SMCHD1: variants seen among roughly 807,000 people sequenced by gnomAD.
SMCHD1 encodes the protein structural maintenance of chromosomes flexible hinge domain containing 1.
A neutral mutation model predicts 254.7 loss-of-function variants in SMCHD1; 78 were observed. The observed-to-expected ratio is 0.31, with a 90% CI of 0.26 to 0.37. SMCHD1 has a LOEUF of 0.37. Among genes scored for constraint, SMCHD1 ranks in the 10% least tolerant of loss-of-function variants. The probability of loss-of-function intolerance (pLI) is 1.00; values close to 1 mark genes in which losing one functional copy is unlikely to be tolerated. For missense variants in SMCHD1, 1,840 were observed against 2,408.1 expected, an observed-to-expected ratio of 0.76 and a Z score of 4.94; for synonymous variants, 766 against 794.9, an observed-to-expected ratio of 0.96 and a Z score of 0.61.
chr18:2,788,423 T>C (rs1017779483), intron 45 of SMCHD1, among the ~76,000 whole-genome samples: 10 of 152,204 alleles, frequency 6.6e-5, no homozygotes, highest in Non-Finnish European at 4.4e-5. Flanking sequence ...TAGAACAGTG[T>C]GTGTATTCGT....
chr18:2,733,976 T>C (rs565503833), intron 25 of SMCHD1, among the ~76,000 whole-genome samples: 2 of 152,350 alleles, frequency 1.3e-5, no homozygotes, highest in African/African-American at 4.8e-5. Flanking sequence ...TTTGGCACTA[T>C]GTAGGAGTTG....
rs763101269 is a variant in SMCHD1, at chr18:2,743,747, C to CT, written c.3634-10dup. On this transcript the variant is annotated splice_polypyrimidine_tract_variant and intron_variant, in intron 28 of 47. Transcript: ENST00000320876. ...GATACCCCCTGTCTTTCTCAATGTA[C>CT]TTTTCCTCACTAGGAAAACACACAG... The CT allele has an allele frequency of 1.0e-4, 157 of 1,573,288 alleles. No homozygotes were observed. Among genetic ancestry groups the CT allele is most frequent in the Non-Finnish European group, 1.3e-4 (150 of 1,156,566 alleles).
intron 7 of SMCHD1, among the ~76,000 whole-genome samples, chr18:2,693,981 T>G (rs1288166134): frequency 6.6e-6 from 1 of 152,180 alleles, no homozygotes; most frequent in Non-Finnish European, 1.5e-5. Flanking sequence ...AGTTTGTAAT[T>G]TTATCCTCAA....
rs555230184 is a variant in SMCHD1, at chr18:2,688,644, C to T, written c.770C>T (p.Ala257Val). The change falls in exon 7 of 48, where the codon GCA becomes GTA. Residue 257 changes from alanine (A) to valine (V), a missense_variant. By Grantham distance (64) the Ala-to-Val change is moderately conservative. This residue lies in a region of SMCHD1 where 498 missense variants were observed against 743.5 expected (regional missense o/e 0.67). Coordinates refer to ENST00000320876, the MANE Select transcript of SMCHD1 (RefSeq NM_015295.3). ...GQSARMISKPADSQDVHELVL... is the reference protein window; with the variant it reads ...GQSARMISKPVDSQDVHELVL... Reference sequence around the variant, plus strand: ...ATTTAACAGATGATAAGCAAACCTGCAGATTCCCAAGATGTTCACGAGCTT... The same window carrying T: ...ATTTAACAGATGATAAGCAAACCTGTAGATTCCCAAGATGTTCACGAGCTT... 2 of 1,558,036 alleles carry T rather than the reference C, an allele frequency of 1.3e-6. No homozygotes were observed. Among genetic ancestry groups the T allele is most frequent in the African/African-American group, 1.4e-5 (1 of 72,544 alleles).
chr18:2,771,724 T>A, intron 40 of SMCHD1, 106 bp downstream of exon 40: 1 of 836,908 alleles, frequency 1.2e-6, no homozygotes, highest in Non-Finnish European at 1.8e-6. Flanking sequence ...TGTTTTAGGG[T>A]ACAAAGACGT....
chr18:2,784,947 T>TAA (rs35051153), intron 45 of SMCHD1: 76 of 326,002 alleles, frequency 2.3e-4, no homozygotes, highest in East Asian at 6.4e-4. Context: ...CTCCATCTCT[T>TAA]AAAAAAAAAA....
Position 2,695,601 on chromosome 18 carries a change from C to T in SMCHD1, c.1040+908C>T, listed in dbSNP as rs144802047. Among the ~76,000 whole-genome samples the T allele has an allele frequency of 5.1e-3, 772 of 152,228 alleles. 4 individuals are homozygous for T. Among genetic ancestry groups the T allele is most frequent in the African/African-American group, 0.017 (699 of 41,534 alleles). ...CTGGGATTACAGGCGTGAGCCATCG[C>T]GCCCGGCCTAAAATTTTTTTTTTAT... is the stretch of plus-strand genomic sequence containing the variant. On this transcript the variant is annotated intron_variant, in intron 8 of 47. Transcript: ENST00000320876.
At chr18:2,725,467 G>C (rs998542837) in intron 21 of SMCHD1, among the ~76,000 whole-genome samples, 14 of 151,692 alleles carry the variant, frequency 9.2e-5, no homozygotes, top group African/African-American at 4.8e-5. Flanking sequence ...GTTAAGGAAG[G>C]AATCCTATGC....
chr18:2,675,405 C>T (rs1438570005), intron 5 of SMCHD1, among the ~76,000 whole-genome samples: 1 of 151,910 alleles, frequency 6.6e-6, no homozygotes, highest in East Asian at 1.9e-4. Flanking sequence ...GCTGCGACTA[C>T]AGGCACCCAC....
intron 7 of SMCHD1, among the ~76,000 whole-genome samples, chr18:2,692,606 C>T (rs114159839): frequency 1.8e-3 from 276 of 152,256 alleles, no homozygotes; most frequent in African/African-American, 6.0e-3. Flanking sequence ...TCAGCCATCC[C>T]GCTTCATCTT....
chr18:2,684,250 A>G (rs2073991120), intron 5 of SMCHD1, among the ~76,000 whole-genome samples: 1 of 152,160 alleles, frequency 6.6e-6, no homozygotes, highest in African/African-American at 2.4e-5. Flanking sequence ...ACAATACTGG[A>G]TATTATTACG....
At chr18:2,720,265 A>G (rs182105212) in intron 19 of SMCHD1, among the ~76,000 whole-genome samples, 31 of 152,182 alleles carry the variant, frequency 2.0e-4, no homozygotes, top group South Asian at 6.2e-4. Context: ...TTGATGTTCT[A>G]TGCTTTCTAT....
At chr18:2,795,884 TCCCC>T in intron 45 of SMCHD1, 61 bp from the exon 46 acceptor site, 1 of 1,409,332 alleles carries the variant, frequency 7.1e-7, no homozygotes, top group South Asian at 1.4e-5. Flanking sequence ...GCTCATTTTT[TCCCC>T]TAAAACATGA....
At position 2,759,503 on chromosome 18, in the gene SMCHD1, T is replaced by TTG. The variant is rs1555649390; in HGVS notation, c.4347-1147_4347-1146dup. On this transcript the variant is annotated intron_variant, in intron 34 of 47. Transcript: ENST00000320876. Reference sequence around the variant, plus strand: ...ATTTTCAAGCAATTTTTTTTTTTTTTTGTACAGCTGTTTTCATCATGAAGG... The same window carrying TTG: ...ATTTTCAAGCAATTTTTTTTTTTTTTTGTGTACAGCTGTTTTCATCATGAAGG... Among the ~76,000 whole-genome samples, 90 of 148,200 alleles carry TTG rather than the reference T, an allele frequency of 6.1e-4. 1 individual carries two copies. Among genetic ancestry groups the TTG allele is most frequent in the African/African-American group, 1.8e-3 (69 of 39,422 alleles).
chr18:2,763,848 A>G lies in SMCHD1; in HGVS notation c.4719+59A>G, dbSNP rs1652399533. On this transcript the variant is annotated intron_variant, in intron 37 of 47. Transcript: ENST00000320876. ...TCTGTATTTAATGCTTTTAACCACC[A>G]TATTAAGACACCTTTTCTTTTGTAT... The G allele has an allele frequency of 2.7e-6, 4 of 1,457,214 alleles. No homozygotes were observed. The East Asian group carries it at 7.1e-5, about 26-fold the overall frequency. The allele number at this position is 1,457,214 out of a possible 1,614,324, so 90.3% of individuals were successfully genotyped here. A position where few individuals can be genotyped will look rare whatever the true frequency, so the allele number is the denominator to read the frequency against.
chr18:2,681,412 C>CAAAAAA (rs11448086), intron 5 of SMCHD1, among the ~76,000 whole-genome samples: 1,618 of 103,886 alleles, frequency 0.016, 21 homozygotes, highest in Middle Eastern at 0.055. Context: ...GACCCCATCT[C>CAAAAAA]AAAAAAAAAA....
chr18:2,678,304 T>C (rs2073818706), intron 5 of SMCHD1, among the ~76,000 whole-genome samples: 1 of 90,254 alleles, frequency 1.1e-5, no homozygotes, highest in East Asian at 4.4e-4. Flanking sequence ...TCTTTCTTCC[T>C]TTTTTTTTTT....
intron 37 of SMCHD1, among the ~76,000 whole-genome samples, chr18:2,764,678 T>C (rs1442426196): frequency 7.2e-5 from 11 of 152,212 alleles, no homozygotes; most frequent in African/African-American, 2.4e-4. Flanking sequence ...TTCATAGCAT[T>C]TTAGTAGTTA....
chr18:2,777,404 T>C (rs1176836950), intron 42 of SMCHD1, among the ~76,000 whole-genome samples: 1 of 152,226 alleles, frequency 6.6e-6, no homozygotes, highest in African/African-American at 2.4e-5. Flanking sequence ...ACAGGGGACA[T>C]AGAGCTGCCT....
Sources: allele counts gnomAD v4.1 joint callset (sites outside exome capture counted in the v4.1 genomes callset), GRCh38; gene constraint gnomAD v4.1.1; regional missense constraint gnomAD v4.1.1; transcripts MANE v1.5; gene names NCBI Gene and HGNC (gene_info 2026-07-23, HGNC 2026-07-21).